Variants in DMP1 observed in about 807,000 individuals in gnomAD.
The protein encoded by DMP1 is dentin matrix protein 1.
In DMP1, 20 loss-of-function variants were observed where a neutral mutation model predicts 14.6. That is an observed-to-expected ratio of 1.37 (90% CI 0.96 to 1.99). The LOEUF is 1.99. Among genes scored for constraint, DMP1 ranks in the 30% most tolerant of loss-of-function variants. DMP1 has a pLI of 0.00. For missense variants in DMP1, 567 were observed against 620.5 expected, an observed-to-expected ratio of 0.91 and a Z score of 0.92; for synonymous variants, 197 against 215.3, an observed-to-expected ratio of 0.91 and a Z score of 0.75.
chr4:87,655,128 T>C (rs1578151319), intron 1 of DMP1, among the ~76,000 whole-genome samples: 1 of 152,184 alleles, frequency 6.6e-6, no homozygotes, highest in Non-Finnish European at 1.5e-5. Flanking sequence ...TTTCACAGTA[T>C]ACATTTAACA....
intron 3 of DMP1, among the ~76,000 whole-genome samples, chr4:87,658,003 T>C (rs1254762686): frequency 6.6e-6 from 1 of 152,190 alleles, no homozygotes; most frequent in Non-Finnish European, 1.5e-5. Flanking sequence ...GAGAAATCCA[T>C]AGGCTGGTTA....
intron 3 of DMP1, chr4:87,658,945 G>C: frequency 2.1e-6 from 1 of 475,876 alleles, no homozygotes; most frequent in Non-Finnish European, 3.8e-6. Flanking sequence ...TTGTATGAAC[G>C]GCCAGGTTCA....
chr4:87,655,658 T>G (rs1037781443), intron 1 of DMP1, among the ~76,000 whole-genome samples: 6 of 151,956 alleles, frequency 3.9e-5, no homozygotes, highest in African/African-American at 1.5e-4. Context: ...TAAATGTGAC[T>G]TAGAAGCCAT....
chr4:87,658,443 A>G (rs951384718), intron 3 of DMP1, among the ~76,000 whole-genome samples: 1 of 152,242 alleles, frequency 6.6e-6, no homozygotes, highest in Non-Finnish European at 1.5e-5. Context: ...AATTAGAGGT[A>G]TGACTAGTTA....
In DMP1 at chr4:87,662,166, GGAA is replaced by G; in HGVS notation, c.389_391del (p.Gly130_Asn131delinsAsp). On this transcript the variant is annotated inframe_deletion, in exon 6 of 6. Coordinates refer to ENST00000339673, the MANE Select transcript of DMP1 (RefSeq NM_004407.4). ...AGGGCCCAAAGACAGACAAGAAGGA[GGAA>G]ACTCCAGACTGGGAAGTGATGAGGA... 1 of 1,614,198 alleles carries G rather than the reference GGAA, an allele frequency of 6.2e-7. No individual in the cohort carries two copies. The highest frequency in any genetic ancestry group is 8.5e-7 in the Non-Finnish European group (1 of 1,180,036).
intron 4 of DMP1, 36 bp downstream of exon 4, chr4:87,659,288 A>G: frequency 6.2e-7 from 1 of 1,603,150 alleles, no homozygotes; most frequent in Non-Finnish European, 8.5e-7. Flanking sequence ...TAAACATCTC[A>G]TGAAGTAACT....
Position 87,663,235 on chromosome 4 carries a change from TAG to T in DMP1, c.1462_1463del (p.Ser488ProfsTer6), listed in dbSNP as rs765734588. The T allele has an allele frequency of 6.2e-7, 1 of 1,614,094 alleles. No homozygotes were observed. The highest frequency in any genetic ancestry group is 2.2e-5 in the East Asian group (1 of 44,882). ...GATGGCCAGTTGAAAAACATTGAGATAGAGAGCCGGAAATTAACAGTTGATGC... is the reference window on the plus strand; with the variant it reads ...GATGGCCAGTTGAAAAACATTGAGATAGAGCCGGAAATTAACAGTTGATGC... On this transcript the variant is annotated frameshift_variant, in exon 6 of 6. Transcript: ENST00000339673. LOFTEE classifies it high-confidence loss of function.
chr4:87,660,218 T>C (rs1306236643), intron 5 of DMP1, among the ~76,000 whole-genome samples: 1 of 152,160 alleles, frequency 6.6e-6, no homozygotes, highest in Non-Finnish European at 1.5e-5. Flanking sequence ...TTATCCCTAT[T>C]TACTTAAGGT....
intron 1 of DMP1, among the ~76,000 whole-genome samples, chr4:87,653,933 G>A (rs894430664): frequency 1.3e-5 from 2 of 152,112 alleles, no homozygotes; most frequent in African/African-American, 4.8e-5. Flanking sequence ...AAGACCTAAA[G>A]ATACAGGAGA....
rs140768637 is a variant in DMP1, at chr4:87,656,504, C to T, written c.12C>T (p.Ser4=). 1 of 1,608,886 alleles carries T rather than the reference C, an allele frequency of 6.2e-7. No individual in the cohort carries two copies. The highest frequency in any genetic ancestry group is 8.5e-7 in the Non-Finnish European group (1 of 1,175,330). ...TATCACACCCAACTATGAAGATCAG[C>T]ATCCTGCTCATGTTCCTTTGGGGAT... The part of the protein sequence containing the change: MKI[S]ILLMFLWGLS... Residue 4 remains serine (S), a synonymous_variant, in exon 2 of 6, where the codon AGC becomes AGT. Transcript: ENST00000339673.
At chr4:87,661,651 T>TTTC (rs942215682) in intron 5 of DMP1, among the ~76,000 whole-genome samples, 1 of 150,986 alleles carries the variant, frequency 6.6e-6, no homozygotes, top group African/African-American at 2.4e-5. Flanking sequence ...CCAAGAGTTT[T>TTTC]TTTTTTTTTT....
rs2110018180 is a variant in DMP1 at position 87,663,687 on chromosome 4, T to C, written c.*367T>C. 1 of 350,674 alleles carries C rather than the reference T, an allele frequency of 2.9e-6. No homozygotes were observed. The highest frequency in any genetic ancestry group is 5.5e-6 in the Non-Finnish European group (1 of 183,166). 21.7% of individuals were successfully genotyped at this position (350,674 alleles called of 1,614,324 possible). A position where few individuals can be genotyped will look rare whatever the true frequency, so the allele number is the denominator to read the frequency against. On this transcript the variant is annotated 3_prime_UTR_variant, in exon 6 of 6. Coordinates refer to ENST00000339673, the MANE Select transcript of DMP1 (RefSeq NM_004407.4). ...GTAAAGCAGGTTAAGACTTGTTTCT[T>C]GCTCCTGAGGAGCGTATAGAAGGAC...
chr4:87,663,492 C>A lies in DMP1; in HGVS notation c.*172C>A. 2 of 958,236 alleles carry A rather than the reference C, an allele frequency of 2.1e-6. No homozygotes were observed. Among genetic ancestry groups the A allele is most frequent in the South Asian group, 1.5e-5 (1 of 65,732 alleles). 59.4% of individuals were successfully genotyped at this position (958,236 alleles called of 1,614,324 possible). ...TTGTTTTTAGGGTGTCATCATTTCACAGAGGTTTAAATACTGTGGAGTGAC... is the reference window on the plus strand; with the variant it reads ...TTGTTTTTAGGGTGTCATCATTTCAAAGAGGTTTAAATACTGTGGAGTGAC... On this transcript the variant is annotated 3_prime_UTR_variant, in exon 6 of 6. Transcript: ENST00000339673.
Position 87,663,375 on chromosome 4 carries a change from AT to A in DMP1, c.*56del. ...ATAAAGGAGTCTTAGGGACTTGAAA[AT>A]GTATCATGATAACTATAATTTATTG... On this transcript the variant is annotated 3_prime_UTR_variant, in exon 6 of 6. Transcript: ENST00000339673. The A allele has an allele frequency of 2.5e-6, 4 of 1,611,816 alleles. No individual in the cohort carries two copies. The highest frequency in any genetic ancestry group is 2.5e-6 in the Non-Finnish European group (3 of 1,178,304).
At chr4:87,661,272 G>C (rs970067101) in intron 5 of DMP1, among the ~76,000 whole-genome samples, 2 of 140,354 alleles carry the variant, frequency 1.4e-5, no homozygotes, top group Admixed American at 1.5e-4. Context: ...CCAGGCTGGA[G>C]TGCAGTGGCG....
intron 3 of DMP1, chr4:87,658,847 G>T: frequency 3.9e-6 from 1 of 258,914 alleles, no homozygotes; most frequent in Non-Finnish European, 7.5e-6. Context: ...GGTTTTCAGG[G>T]CTAAAACCAA....
In DMP1 at chr4:87,663,113, G is replaced by A. The variant is rs1238855867; in HGVS notation, c.1335G>A (p.Glu445=). ...SHSSSAESQS[E]ESHSEEDDSD... ...GCAGCTCAGCAGAGAGTCAGAGCGA[G>A]GAAAGCCATTCTGAGGAAGACGACA... Residue 445 remains glutamate, a synonymous_variant, in exon 6 of 6, where the codon GAG becomes GAA. Coordinates refer to ENST00000339673, the MANE Select transcript of DMP1 (RefSeq NM_004407.4). 1.2e-6 allele frequency: 2 copies of A among 1,614,176 alleles called. No individual in the cohort carries two copies. Among genetic ancestry groups the A allele is most frequent in the East Asian group, 4.5e-5 (2 of 44,866 alleles).
At chr4:87,656,632 T>C (rs1728705875) in intron 2 of DMP1, 86 bp downstream of exon 2, 1 of 878,324 alleles carries the variant, frequency 1.1e-6, no homozygotes, top group Non-Finnish European at 2.0e-6. Context: ...AAGATGGCTG[T>C]GTATGTTCCA....
In DMP1 at chr4:87,657,050, A is replaced by C. The variant is rs755687466; in HGVS notation, c.73A>C (p.Asn25His). The C allele has an allele frequency of 9.0e-6, 14 of 1,558,656 alleles. No homozygotes were observed. The highest frequency in any genetic ancestry group is 1.2e-5 in the Non-Finnish European group (13 of 1,130,118). Residue 25 changes from asparagine to histidine, a missense_variant, in exon 3 of 6, where the codon AAT (asparagine) becomes CAT (histidine). Transcript: ENST00000339673. ...TTTCTAGGTAACCAGGTATCAAAAT[A>C]ATGAATCTGAGGATTCTGAAGAATG... The part of the protein sequence containing the change: ...CALPVTRYQN[N>H]ESEDSEEWKG...
Sources: allele counts gnomAD v4.1 joint callset (sites outside exome capture counted in the v4.1 genomes callset), GRCh38; gene constraint gnomAD v4.1.1; transcripts MANE v1.5; gene names NCBI Gene and HGNC (gene_info 2026-07-23, HGNC 2026-07-21).